CNTN5: variants seen among roughly 807,000 people sequenced by gnomAD.
CNTN5 encodes contactin-5.
CNTN5 carries 77 observed loss-of-function variants against 129.1 expected under a neutral mutation model. The ratio of observed to expected loss-of-function variants is 0.60; its 90% CI spans 0.50 to 0.72. CNTN5 has a LOEUF of 0.72. Among genes scored for constraint, CNTN5 ranks in the 30% least tolerant of loss-of-function variants. CNTN5 has a pLI of 0.00. For missense variants in CNTN5, 1,478 were observed against 1,328.8 expected (o/e 1.11, Z -1.75); for synonymous variants, 509 against 465.6 (o/e 1.09, Z -1.20).
rs201922954 is a variant in CNTN5, at chr11:99,894,539, AAAAAAC to A, written c.578-21497_578-21492del. Among the ~76,000 whole-genome samples the A allele has an allele frequency of 5.9e-3, 891 of 150,608 alleles. 7 individuals carry two copies. Among genetic ancestry groups the A allele is most frequent in the African/African-American group, 0.02 (828 of 41,130 alleles). The stretch of plus-strand genomic sequence containing the variant: ...GCAAAAAAAAAAAAAACCAAAAAAC[AAAAAAC>A]AAAAACAAAAACAAAAAAAACAAAA... On this transcript the variant is annotated intron_variant, in intron 6 of 24. Transcript: ENST00000524871.
chr11:100,063,148 A>G (rs2137818148), intron 10 of CNTN5, among the ~76,000 whole-genome samples: 1 of 152,244 alleles, frequency 6.6e-6, no homozygotes, highest in East Asian at 1.9e-4. Flanking sequence ...CTAGGGACTG[A>G]GGCTCCTACA....
At chr11:99,482,069 AG>A (rs1354503015) in intron 2 of CNTN5, among the ~76,000 whole-genome samples, 1 of 152,176 alleles carries the variant, frequency 6.6e-6, no homozygotes, top group Non-Finnish European at 1.5e-5. Flanking sequence ...TTGCATATAA[AG>A]GAAAAGGTAA....
At chr11:99,483,148 C>A (rs1350630594) in intron 2 of CNTN5, among the ~76,000 whole-genome samples, 1 of 124,846 alleles carries the variant, frequency 8.0e-6, no homozygotes, top group Non-Finnish European at 1.6e-5. Context: ...TGCACTCCAG[C>A]CTGGCAACAG....
At chr11:99,623,809 C>G (rs952666773) in intron 3 of CNTN5, among the ~76,000 whole-genome samples, 1 of 150,300 alleles carries the variant, frequency 6.7e-6, no homozygotes, top group Non-Finnish European at 1.5e-5. Context: ...CTGATATATA[C>G]TATTTGATTT....
intron 1 of CNTN5, among the ~76,000 whole-genome samples, chr11:99,175,269 G>C (rs375209069): frequency 4.6e-5 from 7 of 151,948 alleles, no homozygotes; most frequent in Non-Finnish European, 8.8e-5. Context: ...AAAATAAATA[G>C]GGTTTATTAC....
chr11:99,866,082 T>C (rs1228576775), intron 6 of CNTN5, among the ~76,000 whole-genome samples: 2 of 152,338 alleles, frequency 1.3e-5, no homozygotes, highest in East Asian at 3.9e-4. Context: ...ATGAGTTTTC[T>C]AGCTTCTGAA....
chr11:100,344,341 AT>A, intron 23 of CNTN5, among the ~76,000 whole-genome samples: 1 of 152,270 alleles, frequency 6.6e-6, no homozygotes, highest in African/African-American at 2.4e-5. Flanking sequence ...AAAAGTAGAT[AT>A]TTTCCCCATA....
chr11:99,324,951 A>C (rs2136007214), intron 1 of CNTN5, among the ~76,000 whole-genome samples: 1 of 152,244 alleles, frequency 6.6e-6, no homozygotes, highest in African/African-American at 2.4e-5. Context: ...GTAAATTCTT[A>C]AATAAAATAA....
intron 11 of CNTN5, 80 bp from the exon 12 acceptor site, chr11:100,071,625 T>C: frequency 9.1e-7 from 1 of 1,099,448 alleles, no homozygotes; most frequent in Non-Finnish European, 1.2e-6. Flanking sequence ...ACTTGTTTTT[T>C]CTTAGTCTAG....
intron 3 of CNTN5, among the ~76,000 whole-genome samples, chr11:99,598,010 C>A (rs1249192032): frequency 6.6e-6 from 1 of 152,072 alleles, no homozygotes; most frequent in Non-Finnish European, 1.5e-5. Context: ...ACCACTCTGT[C>A]ATCTCTTTTT....
At chr11:99,346,623 C>T (rs753366695) in intron 2 of CNTN5, among the ~76,000 whole-genome samples, 3 of 152,192 alleles carry the variant, frequency 2.0e-5, no homozygotes, top group Non-Finnish European at 2.9e-5. Context: ...TAAGAAATAG[C>T]TGATATGGAC....
At chr11:99,991,114 A>T (rs1259762651) in intron 8 of CNTN5, among the ~76,000 whole-genome samples, 1 of 152,238 alleles carries the variant, frequency 6.6e-6, no homozygotes, top group Non-Finnish European at 1.5e-5. Flanking sequence ...GTTATGAGCT[A>T]GAACCTGATA....
At chr11:99,888,225 AT>A (rs1259792467) in intron 6 of CNTN5, among the ~76,000 whole-genome samples, 1 of 152,118 alleles carries the variant, frequency 6.6e-6, no homozygotes, top group Non-Finnish European at 1.5e-5. Context: ...TTACTCTTCT[AT>A]TTTCCTGAAT....
chr11:100,314,793 T>G (rs1331091298), intron 21 of CNTN5, among the ~76,000 whole-genome samples: 5 of 152,296 alleles, frequency 3.3e-5, no homozygotes. Flanking sequence ...CACTTCTGAC[T>G]GCAGGTTCTC....
In CNTN5 at chr11:100,346,293, C is replaced by CA. The variant is rs1363667990; in HGVS notation, c.3031-4403dup. ...ATTACTGGTGTTACTAAAGAAATGC[C>CA]AAAAAAGCTTATTGACTAAAGTATA... On this transcript the variant is annotated intron_variant, in intron 23 of 24. Coordinates refer to ENST00000524871, the MANE Select transcript of CNTN5 (RefSeq NM_014361.4). Among the ~76,000 whole-genome samples, 12 of 151,934 alleles carry CA rather than the reference C, an allele frequency of 7.9e-5. No individual in the cohort carries two copies. In the South Asian group the frequency reaches 8.3e-4, roughly 10 times the overall value.
At chr11:99,484,113 A>G (rs1565221355) in intron 2 of CNTN5, among the ~76,000 whole-genome samples, 1 of 152,188 alleles carries the variant, frequency 6.6e-6, no homozygotes, top group Non-Finnish European at 1.5e-5. Flanking sequence ...ATAGAATGAA[A>G]TAACAATGAT....
At chr11:99,680,298 TC>T (rs1308931354) in intron 3 of CNTN5, among the ~76,000 whole-genome samples, 2 of 152,132 alleles carry the variant, frequency 1.3e-5, no homozygotes, top group Non-Finnish European at 2.9e-5. Flanking sequence ...ATGCCTGGCT[TC>T]AAAGCTTCAA....
At chr11:99,317,051 T>G (rs1329186722) in intron 1 of CNTN5, among the ~76,000 whole-genome samples, 1 of 152,186 alleles carries the variant, frequency 6.6e-6, no homozygotes, top group Non-Finnish European at 1.5e-5. Context: ...GAGAATAAAG[T>G]CTGTTAAAAC....
chr11:99,288,405 A>T lies in CNTN5; in HGVS notation c.-209-36941A>T, dbSNP rs1864031901. On this transcript the variant is annotated intron_variant, in intron 1 of 24. Coordinates refer to ENST00000524871, the MANE Select transcript of CNTN5 (RefSeq NM_014361.4). ...ATTTTATTGGGATGTTAGTCTACTG[A>T]TATTAAAAGAATGTAGTAATTTAAT... is the stretch of plus-strand genomic sequence containing the variant. Among the ~76,000 whole-genome samples, 3 of 151,852 alleles carry T rather than the reference A, an allele frequency of 2.0e-5. No homozygotes were observed. In the South Asian group the frequency reaches 6.2e-4, roughly 31 times the overall value.
Sources: allele counts gnomAD v4.1 joint callset (sites outside exome capture counted in the v4.1 genomes callset), GRCh38; gene constraint gnomAD v4.1.1; transcripts MANE v1.5; gene names NCBI Gene and HGNC (gene_info 2026-07-23, HGNC 2026-07-21).